MAP7: variants seen among roughly 807,000 people sequenced by gnomAD.
The protein encoded by MAP7 is microtubule associated protein 7, also known as ensconsin.
MAP7 carries 52 observed loss-of-function variants against 94.8 expected under a neutral mutation model. The ratio of observed to expected loss-of-function variants is 0.55; its 90% CI spans 0.44 to 0.69. The LOEUF (loss-of-function observed/expected upper bound fraction) is 0.69. Among genes scored for constraint, MAP7 ranks in the 30% least tolerant of loss-of-function variants. MAP7 has a pLI of 0.00. For synonymous variants in MAP7, 350 were observed against 357.0 expected (o/e 0.98, Z 0.22); for missense variants, 940 against 964.6 (o/e 0.97, Z 0.34).
At chr6:136,491,688 C>A (rs528883261) in intron 1 of MAP7, among the ~76,000 whole-genome samples, 1 of 152,204 alleles carries the variant, frequency 6.6e-6, no homozygotes, top group South Asian at 2.1e-4. Flanking sequence ...GTCTAACACT[C>A]AATTAGTGGG....
intron 1 of MAP7, among the ~76,000 whole-genome samples, chr6:136,474,808 T>C (rs1810328188): frequency 6.6e-6 from 1 of 151,986 alleles, no homozygotes; most frequent in African/African-American, 2.4e-5. Context: ...AATCTCTCCC[T>C]GGGCTCAAGT....
At chr6:136,456,822 G>GAAGAAGAAAGAAGAAGAA (rs1554259490) in intron 1 of MAP7, among the ~76,000 whole-genome samples, 1 of 69,024 alleles carries the variant, frequency 1.4e-5, no homozygotes, top group African/African-American at 6.4e-5. Context: ...AGAAGAAGAA[G>GAAGAAGAAAGAAGAAGAA]GAAGAAGAAG....
chr6:136,458,723 G>A (rs1804182037), intron 1 of MAP7, among the ~76,000 whole-genome samples: 1 of 151,990 alleles, frequency 6.6e-6, no homozygotes, highest in African/African-American at 2.4e-5. Context: ...GCATGCTTAA[G>A]GAAGAAATTA....
intron 1 of MAP7, among the ~76,000 whole-genome samples, chr6:136,528,459 T>C (rs1156750856): frequency 1.3e-5 from 2 of 152,184 alleles, no homozygotes; most frequent in Non-Finnish European, 1.5e-5. Context: ...ATGAAAATAT[T>C]TTCAAATCCA....
chr6:136,383,647 T>A, intron 6 of MAP7, 24 bp downstream of exon 6: 1 of 1,331,538 alleles, frequency 7.5e-7, no homozygotes, highest in Non-Finnish European at 1.0e-6. Flanking sequence ...AACAGACACT[T>A]TTTTGTTTTC....
intron 3 of MAP7, among the ~76,000 whole-genome samples, chr6:136,395,408 A>ATT (rs34425736): frequency 4.6e-4 from 40 of 87,706 alleles, no homozygotes; most frequent in African/African-American, 1.4e-3. Context: ...TTTAATTTGG[A>ATT]TTTTTTTTTT....
rs374285627 is a variant in MAP7 at position 136,356,649 on chromosome 6, A to C, written c.2015+43T>G. 591 of 1,491,170 alleles carry C rather than the reference A, an allele frequency of 4.0e-4. 3 individuals are homozygous for C. Among genetic ancestry groups the C allele is most frequent in the Middle Eastern group, 2.8e-3 (15 of 5,318 alleles). 92.4% of individuals were successfully genotyped at this position (1,491,170 alleles called of 1,614,324 possible). On this transcript the variant is annotated intron_variant, in intron 16 of 17. Coordinates refer to ENST00000354570, the MANE Select transcript of MAP7 (RefSeq NM_003980.6). ...AAATTCTGGTGGAGCTGGTGGGTAA[A>C]AACAGTAATGTTTTACTTTAATGAA...
intron 1 of MAP7, among the ~76,000 whole-genome samples, chr6:136,492,606 T>C (rs551676055): frequency 2.2e-4 from 34 of 152,324 alleles, no homozygotes; most frequent in South Asian, 4.1e-4. Flanking sequence ...TTCTGATTGC[T>C]GAGCTGCATC....
intron 3 of MAP7, among the ~76,000 whole-genome samples, chr6:136,394,754 C>T (rs1468640883): frequency 1.3e-5 from 2 of 151,048 alleles, no homozygotes; most frequent in African/African-American, 4.9e-5. Context: ...CTGGCAAGCA[C>T]CACTCGACTC....
At chr6:136,424,634 C>T (rs1361445937) in intron 1 of MAP7, among the ~76,000 whole-genome samples, 1 of 152,240 alleles carries the variant, frequency 6.6e-6, no homozygotes, top group Non-Finnish European at 1.5e-5. Flanking sequence ...TCGTCTGCCA[C>T]TCACTGATTC....
intron 1 of MAP7, among the ~76,000 whole-genome samples, chr6:136,522,114 G>A (rs1826551203): frequency 6.6e-6 from 1 of 152,154 alleles, no homozygotes; most frequent in Non-Finnish European, 1.5e-5. Context: ...CACCGTCTAA[G>A]GCAGGTTTGC....
intron 1 of MAP7, among the ~76,000 whole-genome samples, chr6:136,449,396 T>C (rs1800410645): frequency 1.3e-5 from 2 of 152,208 alleles, no homozygotes; most frequent in South Asian, 4.1e-4. Flanking sequence ...TCGAGAATCG[T>C]GCAGCTCCCC....
Position 136,365,720 on chromosome 6 carries a change from T to A in MAP7, c.1273+15A>T, listed in dbSNP as rs1486026706. ...AAAGAGAGAGCACCCAGACCACAGG[T>A]GAGTTTGCTCTTACCAGGGCCAACT... On this transcript the variant is annotated intron_variant, in intron 10 of 17. Transcript: ENST00000354570. 1.6e-5 allele frequency: 26 copies of A among 1,610,032 alleles called. No individual in the cohort carries two copies. The East Asian group carries it at 5.8e-4, about 36-fold the overall frequency.
intron 1 of MAP7, among the ~76,000 whole-genome samples, chr6:136,443,745 T>C (rs1157149993): frequency 2.6e-5 from 4 of 152,068 alleles, no homozygotes; most frequent in African/African-American, 9.7e-5. Flanking sequence ...CCACCACGCC[T>C]GGCCCCCTTC....
At chr6:136,547,322 T>A (rs1829811323) in intron 1 of MAP7, among the ~76,000 whole-genome samples, 2 of 152,340 alleles carry the variant, frequency 1.3e-5, no homozygotes, top group Admixed American at 1.3e-4. Flanking sequence ...CATGAAAGCT[T>A]CATGAATTAA....
At chr6:136,378,746 C>G (rs1350107818) in intron 6 of MAP7, among the ~76,000 whole-genome samples, 1 of 152,146 alleles carries the variant, frequency 6.6e-6, no homozygotes, top group African/African-American at 2.4e-5. Context: ...AATTACTTTG[C>G]TTATATGGTT....
chr6:136,393,906 C>T (rs1781517686), intron 3 of MAP7, among the ~76,000 whole-genome samples: 1 of 148,114 alleles, frequency 6.8e-6, no homozygotes, highest in Non-Finnish European at 1.5e-5. Flanking sequence ...CCCCTGAGTG[C>T]TGGGATTACA....
chr6:136,471,638 T>C (rs1015581545), intron 1 of MAP7, among the ~76,000 whole-genome samples: 7 of 152,114 alleles, frequency 4.6e-5, no homozygotes, highest in African/African-American at 1.7e-4. Flanking sequence ...ACTCACTAAA[T>C]AAAGATTCAG....
chr6:136,545,628 CAT>C (rs1829670415), intron 1 of MAP7: 2 of 152,244 alleles, frequency 1.3e-5, no homozygotes, highest in African/African-American at 2.4e-5. Flanking sequence ...GAGCTTTACA[CAT>C]GTGTCAATAT....
Sources: gnomAD v4.1 joint callset for allele counts (sites outside exome capture counted in the v4.1 genomes callset) on GRCh38, gnomAD v4.1.1 for gene constraint, MANE v1.5 for transcripts, NCBI Gene and HGNC (gene_info 2026-07-23, HGNC 2026-07-21) for gene names.